PPME1: variants seen among roughly 807,000 people sequenced by gnomAD.
PPME1 encodes the protein protein phosphatase methylesterase 1, also known as testicular secretory protein Li 39.
Under a neutral mutation model 56.9 loss-of-function variants are expected in PPME1, and 17 were observed. The ratio of observed to expected loss-of-function variants is 0.30; its 90% confidence interval spans 0.20 to 0.45. PPME1 has a LOEUF of 0.45. Ranked by LOEUF, PPME1 falls within the 20% of genes least tolerant of loss-of-function variation. The pLI is 1.00. For missense variants in PPME1, 357 were observed against 483.2 expected (o/e 0.74, Z 2.45); for synonymous variants, 122 against 156.2 (o/e 0.78, Z 1.63).
In PPME1 at chr11:74,253,530, C is replaced by T. The variant is rs562262558; in HGVS notation, c.*20C>T. 2.4e-5 allele frequency: 38 copies of T among 1,599,986 alleles called. No individual in the cohort carries two copies. The East Asian group carries it at 2.7e-4, about 11-fold the overall frequency. On this transcript the variant is annotated 3_prime_UTR_variant, in exon 14 of 14. Coordinates refer to ENST00000328257, the MANE Select transcript of PPME1 (RefSeq NM_016147.3). ...TGTTAGTGACCTGCTGTCCACCCCT[C>T]CTCAACATCGAGCTCTGTTGTAAAT...
chr11:74,252,147 C>T (rs1333782675), intron 13 of PPME1, among the ~76,000 whole-genome samples: 1 of 146,168 alleles, frequency 6.8e-6, no homozygotes, highest in African/African-American at 2.6e-5. Context: ...TGGTTCACTG[C>T]AACCTCTGCC....
chr11:74,171,352 G>C lies in PPME1; in HGVS notation c.-70G>C. 6.5e-7 allele frequency: 1 copy of C among 1,539,392 alleles called. No individual in the cohort carries two copies. Among genetic ancestry groups the C allele is most frequent in the Non-Finnish European group, 8.8e-7 (1 of 1,140,418 alleles). On this transcript the variant is annotated 5_prime_UTR_variant, in exon 1 of 14. Transcript: ENST00000328257. ...GTCGTTAGGGGAGCGAGTCGTGACC[G>C]GTTGGGCCACACTCAACGTGGGACG... is the stretch of plus-strand genomic sequence containing the variant.
intron 5 of PPME1, among the ~76,000 whole-genome samples, chr11:74,228,921 G>A (rs116960302): frequency 9.9e-5 from 15 of 152,172 alleles, no homozygotes; most frequent in Middle Eastern, 6.8e-3. Flanking sequence ...TGGACTTTTC[G>A]TCTTAACTAT....
intron 13 of PPME1, 115 bp downstream of exon 13, chr11:74,251,830 C>G (rs370436704): frequency 4.7e-6 from 6 of 1,265,660 alleles, no homozygotes; most frequent in Non-Finnish European, 5.8e-6. Context: ...GTCACCATGC[C>G]TTTCTTCCTC....
At chr11:74,177,450 A>G (rs1213917329) in intron 1 of PPME1, among the ~76,000 whole-genome samples, 1 of 147,082 alleles carries the variant, frequency 6.8e-6, no homozygotes, top group East Asian at 2.0e-4. Context: ...CTTTGTCTCA[A>G]AAAAAAAAAA....
At chr11:74,199,637 A>G (rs1452083031) in intron 1 of PPME1, among the ~76,000 whole-genome samples, 2 of 152,114 alleles carry the variant, frequency 1.3e-5, no homozygotes, top group Non-Finnish European at 2.9e-5. Context: ...ACCACAACCA[A>G]CAATAAATTC....
intron 1 of PPME1, among the ~76,000 whole-genome samples, chr11:74,185,796 A>G (rs923899374): frequency 3.9e-5 from 6 of 152,174 alleles, no homozygotes; most frequent in African/African-American, 1.4e-4. Context: ...TCAAAGGTAT[A>G]AGATTACACC....
intron 13 of PPME1, among the ~76,000 whole-genome samples, chr11:74,252,249 T>TG (rs1479021340): frequency 2.0e-5 from 3 of 147,338 alleles, no homozygotes; most frequent in Admixed American, 6.6e-5. Context: ...GTTTTTTTTT[T>TG]TGTTTTTTTT....
At chr11:74,217,750 AAACTT>A (rs1271097939) in intron 3 of PPME1, among the ~76,000 whole-genome samples, 3 of 152,002 alleles carry the variant, frequency 2.0e-5, no homozygotes, top group Admixed American at 6.6e-5. Context: ...TAAAAAAAAA[AAACTT>A]AAACTGAGTA....
chr11:74,203,671 G>T (rs1378001053), intron 1 of PPME1, 57 bp from the exon 2 acceptor site: 3 of 1,367,710 alleles, frequency 2.2e-6, no homozygotes, highest in African/African-American at 2.9e-5. Flanking sequence ...TATTGACCAA[G>T]ATTTTATCTC....
In PPME1 at chr11:74,171,539, C is replaced by T. The variant is rs750736244; in HGVS notation, c.101+17C>T. On this transcript the variant is annotated intron_variant, in intron 1 of 13. Coordinates refer to ENST00000328257, the MANE Select transcript of PPME1 (RefSeq NM_016147.3). ...GCGAATGGGGTACGTGACCCATACCCCTTCTCCCTATGGGCCAGGCCCCAG... is the reference window on the plus strand; with the variant it reads ...GCGAATGGGGTACGTGACCCATACCTCTTCTCCCTATGGGCCAGGCCCCAG... 7 of 1,603,446 alleles carry T rather than the reference C, an allele frequency of 4.4e-6. No homozygotes were observed. Among genetic ancestry groups the T allele is most frequent in the South Asian group, 1.1e-5 (1 of 89,452 alleles).
At chr11:74,222,897 G>T (rs1221733017) in intron 4 of PPME1, among the ~76,000 whole-genome samples, 2 of 150,340 alleles carry the variant, frequency 1.3e-5, no homozygotes, top group Non-Finnish European at 3.0e-5. Flanking sequence ...TTTTATGTGT[G>T]TTAAGCTAAG....
rs1565398262 is a variant in PPME1 at position 74,251,698 on chromosome 11, C to A, written c.1125C>A (p.Pro375=). The A allele has an allele frequency of 3.1e-6, 5 of 1,613,964 alleles. No homozygotes were observed. The highest frequency in any genetic ancestry group is 4.2e-6 in the Non-Finnish European group (5 of 1,179,858). Residue 375 remains proline, a synonymous_variant, in exon 13 of 14, where the codon CCC becomes CCA. Coordinates refer to ENST00000328257, the MANE Select transcript of PPME1 (RefSeq NM_016147.3). ...TGATCCGGCACAGGTTTGCAGAACC[C>A]ATCGGTGGATTCCAGTGGTAAGGCG... The part of the protein sequence containing the change: ...TFLIRHRFAE[P]IGGFQCVFPG...
At chr11:74,225,155 T>C in intron 4 of PPME1, 50 bp from the exon 5 acceptor site, 9 of 1,276,938 alleles carry the variant, frequency 7.0e-6, no homozygotes, top group Non-Finnish European at 8.7e-6. Flanking sequence ...ACTTCTGCTT[T>C]TATAATTCCT....
At chr11:74,190,122 A>G (rs767087345) in intron 1 of PPME1, among the ~76,000 whole-genome samples, 7 of 152,252 alleles carry the variant, frequency 4.6e-5, no homozygotes, top group Non-Finnish European at 7.3e-5. Context: ...AATGAAGCAG[A>G]TGACTGGAAA....
At chr11:74,197,025 A>AGT (rs1858001087) in intron 1 of PPME1, among the ~76,000 whole-genome samples, 1 of 152,136 alleles carries the variant, frequency 6.6e-6, no homozygotes. Context: ...GTCAAAATGG[A>AGT]GTGGCCTGGT....
chr11:74,212,032 A>G lies in PPME1; in HGVS notation c.288+7587A>G, dbSNP rs1232792931. Among the ~76,000 whole-genome samples the G allele has an allele frequency of 2.0e-5, 3 of 152,364 alleles. No homozygotes were observed. In the East Asian group the frequency reaches 5.8e-4, roughly 29 times the overall value. ...CACACAAAAAAGAACCTTCATAAGA[A>G]CCAAAAATCAGGTGAATGATCACAG... On this transcript the variant is annotated intron_variant, in intron 3 of 13. Coordinates refer to ENST00000328257, the MANE Select transcript of PPME1 (RefSeq NM_016147.3).
chr11:74,252,778 A>C (rs1346061388), intron 13 of PPME1, among the ~76,000 whole-genome samples: 1 of 152,156 alleles, frequency 6.6e-6, no homozygotes, highest in Non-Finnish European at 1.5e-5. Flanking sequence ...GGTCTAGAGG[A>C]AGAAACAGGG....
At chr11:74,203,254 CAAGG>C (rs1340115617) in intron 1 of PPME1, among the ~76,000 whole-genome samples, 1 of 151,922 alleles carries the variant, frequency 6.6e-6, no homozygotes, top group Non-Finnish European at 1.5e-5. Context: ...TTGGGAATGA[CAAGG>C]AAGCATGAAA....
Sources: gnomAD v4.1 joint callset for allele counts (sites outside exome capture counted in the v4.1 genomes callset) on GRCh38, gnomAD v4.1.1 for gene constraint, MANE v1.5 for transcripts, NCBI Gene and HGNC (gene_info 2026-07-23, HGNC 2026-07-21) for gene names.